Variants in CDK19 observed in about 807,000 individuals in gnomAD.
The protein encoded by CDK19 is cyclin-dependent kinase 19.
In CDK19, 20 loss-of-function variants were observed where a neutral mutation model predicts 68.3. That is an observed-to-expected ratio of 0.29 (90% CI 0.21 to 0.43). The LOEUF (loss-of-function observed/expected upper bound fraction) is 0.43. Among genes scored for constraint, CDK19 ranks in the 20% least tolerant of loss-of-function variants. CDK19 has a pLI of 1.00. For missense variants in CDK19, 339 were observed against 623.5 expected, an observed-to-expected ratio of 0.54 and a Z score of 4.86; for synonymous variants, 221 against 222.8, an observed-to-expected ratio of 0.99 and a Z score of 0.07.
At chr6:110,798,917 C>T (rs954714522) in intron 1 of CDK19, among the ~76,000 whole-genome samples, 2 of 151,556 alleles carry the variant, frequency 1.3e-5, no homozygotes, top group Non-Finnish European at 2.9e-5. Context: ...CTCAGGCAGG[C>T]AGATCACCTG....
intron 2 of CDK19, among the ~76,000 whole-genome samples, chr6:110,730,068 G>A (rs574690233): frequency 1.4e-4 from 21 of 152,284 alleles, no homozygotes; most frequent in African/African-American, 4.6e-4. Flanking sequence ...AAGCCTTGCT[G>A]TAGTTTGCTA....
At chr6:110,765,012 C>T (rs918226284) in intron 1 of CDK19, among the ~76,000 whole-genome samples, 12 of 134,936 alleles carry the variant, frequency 8.9e-5, no homozygotes, top group African/African-American at 3.2e-4. Flanking sequence ...AGAAGAAAAC[C>T]TAGATGACCT....
chr6:110,794,095 G>C (rs1268771353), intron 1 of CDK19, among the ~76,000 whole-genome samples: 1 of 152,096 alleles, frequency 6.6e-6, no homozygotes, highest in African/African-American at 2.4e-5. Context: ...ACCCAGGCTG[G>C]AGTGCAGTGG....
chr6:110,784,755 GGATA>G (rs1781078621), intron 1 of CDK19, among the ~76,000 whole-genome samples: 1 of 152,084 alleles, frequency 6.6e-6, no homozygotes, highest in African/African-American at 2.4e-5. Flanking sequence ...GTTGATGAAT[GGATA>G]AATACAACGT....
At chr6:110,699,277 T>G (rs932798514) in intron 2 of CDK19, among the ~76,000 whole-genome samples, 1 of 151,658 alleles carries the variant, frequency 6.6e-6, no homozygotes, top group Admixed American at 6.6e-5. Flanking sequence ...ATACAAAAAT[T>G]AGCTGGTTGT....
intron 1 of CDK19, among the ~76,000 whole-genome samples, chr6:110,788,031 G>A (rs765456373): frequency 6.6e-6 from 1 of 152,036 alleles, no homozygotes; most frequent in African/African-American, 2.4e-5. Flanking sequence ...GTAGAGACAG[G>A]GTTTCATCAT....
chr6:110,679,789 CT>C (rs1376768399), intron 2 of CDK19, among the ~76,000 whole-genome samples: 2 of 152,086 alleles, frequency 1.3e-5, no homozygotes, highest in African/African-American at 4.8e-5. Flanking sequence ...TGACATGAAG[CT>C]ATTAAATGGA....
intron 1 of CDK19, among the ~76,000 whole-genome samples, chr6:110,791,244 GA>G (rs1215270122): frequency 4.6e-5 from 7 of 151,522 alleles, no homozygotes; most frequent in Admixed American, 1.3e-4. Flanking sequence ...ATCTGTCATG[GA>G]AAAAAAGAAA....
intron 4 of CDK19, among the ~76,000 whole-genome samples, chr6:110,657,281 C>T (rs920569473): frequency 2.0e-5 from 3 of 152,136 alleles, no homozygotes; most frequent in Non-Finnish European, 4.4e-5. Context: ...TTATGGCCCT[C>T]CCTATAGAAG....
chr6:110,667,347 T>C, intron 4 of CDK19, 87 bp downstream of exon 4: 1 of 883,520 alleles, frequency 1.1e-6, no homozygotes. Context: ...ATAATTAATG[T>C]TTTATTATAA....
rs531350943 is a variant in CDK19 at position 110,674,194 on chromosome 6, T to C, written c.205-3653A>G. ...TAAGATGGCAAACTTAATCTATAAATGTTGTGTGTATTCTGATTGCCTCAC... is the reference window on the plus strand; with the variant it reads ...TAAGATGGCAAACTTAATCTATAAACGTTGTGTGTATTCTGATTGCCTCAC... On this transcript the variant is annotated intron_variant, in intron 2 of 12. Transcript: ENST00000368911. Among the ~76,000 whole-genome samples the C allele has an allele frequency of 2.0e-5, 3 of 152,314 alleles. No homozygotes were observed. In the East Asian group the frequency reaches 5.8e-4, roughly 29 times the overall value.
chr6:110,670,646 C>G, intron 2 of CDK19, 105 bp from the exon 3 acceptor site: 1 of 713,896 alleles, frequency 1.4e-6, no homozygotes, highest in Non-Finnish European at 2.5e-6. Flanking sequence ...CTAGAGAATC[C>G]AGGTAAGCAA....
chr6:110,690,384 G>T (rs951802480), intron 2 of CDK19, among the ~76,000 whole-genome samples: 1 of 152,146 alleles, frequency 6.6e-6, no homozygotes, highest in Non-Finnish European at 1.5e-5. Flanking sequence ...TGCTGACCTG[G>T]CAGGGGAGCT....
chr6:110,798,122 T>G (rs1426186526), intron 1 of CDK19, among the ~76,000 whole-genome samples: 2 of 151,924 alleles, frequency 1.3e-5, no homozygotes, highest in African/African-American at 2.4e-5. Context: ...TGTACCGTAC[T>G]AAAGAACAGT....
chr6:110,620,814 C>A (rs1025573368), intron 12 of CDK19, among the ~76,000 whole-genome samples: 3 of 152,136 alleles, frequency 2.0e-5, no homozygotes, highest in African/African-American at 4.8e-5. Context: ...TTCTGATACA[C>A]CAGAACTGCT....
intron 5 of CDK19, among the ~76,000 whole-genome samples, chr6:110,636,934 TCA>T (rs1288797465): frequency 6.6e-6 from 1 of 152,234 alleles, no homozygotes; most frequent in Admixed American, 6.5e-5. Context: ...AGTCTGTCTT[TCA>T]CAGAGGCTTT....
chr6:110,715,285 A>C (rs1296618462), intron 2 of CDK19, among the ~76,000 whole-genome samples: 2 of 152,202 alleles, frequency 1.3e-5, no homozygotes, highest in Non-Finnish European at 2.9e-5. Context: ...TCATTAAGTG[A>C]AAAAGACAAC....
At chr6:110,758,151 A>G (rs1778955659) in intron 1 of CDK19, among the ~76,000 whole-genome samples, 1 of 152,142 alleles carries the variant, frequency 6.6e-6, no homozygotes, top group Non-Finnish European at 1.5e-5. Context: ...TGTTTGCGCT[A>G]CCACACTCCA....
At chr6:110,668,117 A>T (rs1782057908) in intron 3 of CDK19, among the ~76,000 whole-genome samples, 1 of 152,220 alleles carries the variant, frequency 6.6e-6, no homozygotes, top group South Asian at 2.1e-4. Context: ...ATCCCATTGA[A>T]ATAAATACAA....
Sources: allele counts gnomAD v4.1 joint callset (sites outside exome capture counted in the v4.1 genomes callset), GRCh38; gene constraint gnomAD v4.1.1; transcripts MANE v1.5; gene names NCBI Gene and HGNC (gene_info 2026-07-23, HGNC 2026-07-21).